FAM227A: variants seen among roughly 807,000 people sequenced by gnomAD.
The protein encoded by FAM227A is protein FAM227A.
In FAM227A, 80 loss-of-function variants were observed where a neutral mutation model predicts 74.7. The observed-to-expected ratio is 1.07, with a 90% CI of 0.89 to 1.29. The LOEUF (loss-of-function observed/expected upper bound fraction) is 1.29, where lower values mean the gene tolerates loss of function less well. Ranked by LOEUF, FAM227A falls within the 50% of genes most tolerant of loss-of-function variation. FAM227A has a pLI of 0.00. For missense variants in FAM227A, 654 were observed against 683.4 expected (o/e 0.96, Z 0.48); for synonymous variants, 237 against 241.8 (o/e 0.98, Z 0.19).
At chr22:38,639,785 G>C (rs964746977) in intron 3 of FAM227A, 61 bp from the exon 4 acceptor site, 18 of 1,189,106 alleles carry the variant, frequency 1.5e-5, no homozygotes, top group Admixed American at 2.0e-5. Context: ...AGAAGGGTGG[G>C]GTTAGGGTCT....
At chr22:38,625,978 G>A (rs985054925) in intron 9 of FAM227A, among the ~76,000 whole-genome samples, 29 of 150,310 alleles carry the variant, frequency 1.9e-4, no homozygotes, top group Non-Finnish European at 3.6e-4. Flanking sequence ...AGGAAGGGAT[G>A]TCTCAGAACT....
intron 11 of FAM227A, among the ~76,000 whole-genome samples, chr22:38,613,116 T>A (rs1156698061): frequency 1.4e-4 from 13 of 91,130 alleles, no homozygotes; most frequent in African/African-American, 5.2e-4. Context: ...TATATATATA[T>A]TATATATAAT....
intron 11 of FAM227A, among the ~76,000 whole-genome samples, chr22:38,611,198 C>G (rs936841293): frequency 6.6e-6 from 1 of 152,212 alleles, no homozygotes; most frequent in African/African-American, 2.4e-5. Context: ...TGTCCCATCC[C>G]AGCATAGAGG....
chr22:38,646,244 A>ATT (rs1569240881), intron 2 of FAM227A, among the ~76,000 whole-genome samples: 2 of 89,690 alleles, frequency 2.2e-5, no homozygotes, highest in African/African-American at 4.5e-5. Flanking sequence ...TCCTTCCAGT[A>ATT]TTTCTTTTTT....
chr22:38,611,228 C>T (rs2091407118), intron 11 of FAM227A, among the ~76,000 whole-genome samples: 1 of 152,118 alleles, frequency 6.6e-6, no homozygotes. Context: ...TGTTCCAGCC[C>T]ACCTGGCCAC....
At chr22:38,595,589 C>T (rs1211016991) in intron 15 of FAM227A, among the ~76,000 whole-genome samples, 1 of 152,200 alleles carries the variant, frequency 6.6e-6, no homozygotes, top group Non-Finnish European at 1.5e-5. Flanking sequence ...TGGGGAAGCA[C>T]ATTCACACAG....
In FAM227A at chr22:38,620,130, G is replaced by A. The variant is rs1449215883; in HGVS notation, c.1038+82C>T. The A allele has an allele frequency of 4.3e-6, 4 of 938,430 alleles. No homozygotes were observed. The African/African-American group carries it at 5.0e-5, about 12-fold the overall frequency. The allele number at this position is 938,430 out of a possible 1,614,324, so 58.1% of individuals were successfully genotyped here. A position where few individuals can be genotyped will look rare whatever the true frequency, so the allele number is the denominator to read the frequency against. ...TACAGAGATGTGCAACTAACCGGAG[G>A]CCACTGATGCTCCAGAAGAACCGAG... On this transcript the variant is annotated intron_variant, in intron 11 of 16. Transcript: ENST00000535113.
At chr22:38,646,776 T>G (rs571010470) in intron 2 of FAM227A, among the ~76,000 whole-genome samples, 2 of 152,192 alleles carry the variant, frequency 1.3e-5, no homozygotes, top group East Asian at 1.9e-4. Flanking sequence ...ATTATACTAA[T>G]CCATGTAGAA....
At chr22:38,641,790 G>C (rs1373107493) in intron 3 of FAM227A, among the ~76,000 whole-genome samples, 2 of 151,976 alleles carry the variant, frequency 1.3e-5, no homozygotes, top group African/African-American at 2.4e-5. Context: ...GATTTCTTAA[G>C]TGCAGTTAAA....
chr22:38,636,394 C>T (rs2092007340), intron 6 of FAM227A, 57 bp downstream of exon 6: 1 of 1,527,476 alleles, frequency 6.5e-7, no homozygotes, highest in Non-Finnish European at 8.8e-7. Context: ...GAAAGGGTGA[C>T]AGCTGCATTT....
intron 11 of FAM227A, among the ~76,000 whole-genome samples, chr22:38,611,255 A>G (rs1248554972): frequency 1.3e-5 from 2 of 151,626 alleles, no homozygotes; most frequent in Admixed American, 1.3e-4. Flanking sequence ...GCTCAGATTC[A>G]GCACGCTGAG....
At chr22:38,616,732 A>G (rs1435271266) in intron 11 of FAM227A, among the ~76,000 whole-genome samples, 5 of 151,986 alleles carry the variant, frequency 3.3e-5, no homozygotes, top group Admixed American at 3.3e-4. Context: ...TGGAGTCAAG[A>G]TAAGAGATGA....
intron 10 of FAM227A, among the ~76,000 whole-genome samples, chr22:38,621,083 T>C (rs574386780): frequency 3.9e-5 from 6 of 152,206 alleles, no homozygotes; most frequent in Admixed American, 3.3e-4. Context: ...ACGCCTATAA[T>C]CCCAGCACTT....
chr22:38,580,253 T>C lies in FAM227A; in HGVS notation c.*5872A>G, dbSNP rs2090695638. On this transcript the variant is annotated 3_prime_UTR_variant, in exon 17 of 17. Transcript: ENST00000535113. ...CCTCTTTTAAGTCTCTTTTAATCTA[T>C]ATATTCCCCCTCTCTTTTTCCCTTG... The C allele has an allele frequency of 6.6e-6, 1 of 152,168 alleles. No homozygotes were observed. Among genetic ancestry groups the C allele is most frequent in the Non-Finnish European group, 1.5e-5 (1 of 68,034 alleles). The allele number at this position is 152,168 out of a possible 1,614,324, so 9.4% of individuals were successfully genotyped here. A position where few individuals can be genotyped will look rare whatever the true frequency, so the allele number is the denominator to read the frequency against.
intron 8 of FAM227A, among the ~76,000 whole-genome samples, chr22:38,626,726 T>A (rs954395872): frequency 2.7e-5 from 4 of 149,926 alleles, no homozygotes; most frequent in African/African-American, 9.8e-5. Context: ...TAAAAAAAAA[T>A]AGCTGGGTGT....
chr22:38,641,230 C>T (rs1278589209), intron 3 of FAM227A, among the ~76,000 whole-genome samples: 1 of 152,142 alleles, frequency 6.6e-6, no homozygotes, highest in Non-Finnish European at 1.5e-5. Context: ...TCAGGGCCTA[C>T]AAGCAGGGCT....
rs546002902 is a variant in FAM227A at position 38,597,435 on chromosome 22, A to G, written c.1380-79T>C. 763 of 1,394,050 alleles carry G rather than the reference A, an allele frequency of 5.5e-4. 3 individuals are homozygous for G. Among genetic ancestry groups the G allele is most frequent in the Non-Finnish European group, 6.8e-4 (687 of 1,004,598 alleles). The allele number at this position is 1,394,050 out of a possible 1,614,324, so 86.4% of individuals were successfully genotyped here. On this transcript the variant is annotated intron_variant, in intron 14 of 16. Coordinates refer to ENST00000535113, the MANE Select transcript of FAM227A (RefSeq NM_001013647.2). ...ATTATTAGTGGCATGAGCGCAGTGC[A>G]TGGGGAAGAGGGGCATGGAGGACAG...
In FAM227A at chr22:38,628,837, G is replaced by T. The variant is rs1381026419; in HGVS notation, c.618C>A (p.Tyr206Ter). 1.0e-5 allele frequency: 15 copies of T among 1,501,658 alleles called. No homozygotes were observed. Among genetic ancestry groups the T allele is most frequent in the Non-Finnish European group, 1.4e-5 (15 of 1,105,702 alleles). 93.0% of individuals were successfully genotyped at this position (1,501,658 alleles called of 1,614,324 possible). Residue 206 changes from tyrosine (Y) to a stop codon, truncating the protein, a stop_gained, in exon 7 of 17, where the codon TAC becomes TAA. Coordinates refer to ENST00000535113, the MANE Select transcript of FAM227A (RefSeq NM_001013647.2). LOFTEE classifies it high-confidence loss of function. ...AAACAAGCAGATTTGTATTTACCTG[G>T]TACCTCTCATGAAATATCCACCAAA... ...DSFWWIFHER[Y>*]QPNKELQNNL...
chr22:38,620,277 A>T lies in FAM227A; in HGVS notation c.973T>A (p.Leu325Met). ...RRLTKGREFS[L>M]FAGKRAFSQK... Reference sequence around the variant, plus strand: ...GAGAAGGCTCTCTTACCAGCAAACAAAGAAAACTCTCTCCCTATAGAAGGG... The same window carrying T: ...GAGAAGGCTCTCTTACCAGCAAACATAGAAAACTCTCTCCCTATAGAAGGG... The change falls in exon 11 of 17, where the codon TTG becomes ATG. Residue 325 changes from leucine to methionine, a missense_variant. Physicochemically the swap from Leu to Met is conservative, Grantham distance 15. Transcript: ENST00000535113. The T allele has an allele frequency of 6.4e-7, 1 of 1,551,038 alleles. No individual in the cohort carries two copies. Among genetic ancestry groups the T allele is most frequent in the Non-Finnish European group, 8.7e-7 (1 of 1,146,440 alleles).
Sources: allele counts gnomAD v4.1 joint callset (sites outside exome capture counted in the v4.1 genomes callset), GRCh38; gene constraint gnomAD v4.1.1; transcripts MANE v1.5; gene names NCBI Gene and HGNC (gene_info 2026-07-23, HGNC 2026-07-21).